PLCXD3: variants seen among roughly 807,000 people sequenced by gnomAD.
The protein encoded by PLCXD3 is PI-PLC X domain-containing protein 3.
Under a neutral mutation model 25.5 loss-of-function variants are expected in PLCXD3, and 19 were observed. The observed-to-expected ratio is 0.75, with a 90% CI of 0.52 to 1.09. PLCXD3 has a LOEUF of 1.09. Among genes scored for constraint, PLCXD3 ranks in the 50% least tolerant of loss-of-function variants. PLCXD3 has a pLI of 0.00. For missense variants in PLCXD3, 411 were observed against 388.1 expected (o/e 1.06, Z -0.50); for synonymous variants, 174 against 137.6 (o/e 1.26, Z -1.85).
chr5:41,399,060 G>A (rs1283924246), intron 1 of PLCXD3, among the ~76,000 whole-genome samples: 1 of 152,020 alleles, frequency 6.6e-6, no homozygotes, highest in African/African-American at 2.4e-5. Flanking sequence ...TGCCAACAGT[G>A]AACAATGGGA....
chr5:41,452,572 A>C (rs1442246850), intron 1 of PLCXD3, among the ~76,000 whole-genome samples: 1 of 152,012 alleles, frequency 6.6e-6, no homozygotes. Flanking sequence ...AATTCTGTCA[A>C]ATATGACCTC....
intron 2 of PLCXD3, among the ~76,000 whole-genome samples, chr5:41,370,405 C>A (rs1284174347): frequency 6.6e-6 from 1 of 152,116 alleles, no homozygotes; most frequent in Non-Finnish European, 1.5e-5. Context: ...TTTTTTATTG[C>A]TGTTGTTACA....
intron 2 of PLCXD3, among the ~76,000 whole-genome samples, chr5:41,363,409 G>A (rs1744845950): frequency 6.6e-6 from 1 of 152,028 alleles, no homozygotes; most frequent in South Asian, 2.1e-4. Context: ...CAAGAATTCA[G>A]GATATTTTCT....
Position 41,307,707 on chromosome 5 carries a change from C to G in PLCXD3, c.*5910G>C, listed in dbSNP as rs1383374361. On this transcript the variant is annotated 3_prime_UTR_variant, in exon 3 of 3. Transcript: ENST00000377801. ...AGCAGTGAAGACAGTTCCTATGTCA[C>G]CTTTCTACAATTCCGTAGATGACCA... 1 of 152,100 alleles carries G rather than the reference C, an allele frequency of 6.6e-6. No individual in the cohort carries two copies. Among genetic ancestry groups the G allele is most frequent in the Non-Finnish European group, 1.5e-5 (1 of 68,038 alleles). The allele number at this position is 152,100 out of a possible 1,614,324, so 9.4% of individuals were successfully genotyped here.
chr5:41,405,882 T>C (rs1746336868), intron 1 of PLCXD3, among the ~76,000 whole-genome samples: 2 of 152,242 alleles, frequency 1.3e-5, no homozygotes, highest in South Asian at 4.1e-4. Context: ...CCCACTGTAA[T>C]AAGGTTATCA....
intron 1 of PLCXD3, among the ~76,000 whole-genome samples, chr5:41,505,311 G>A (rs1356083312): frequency 6.6e-6 from 1 of 152,082 alleles, no homozygotes; most frequent in Non-Finnish European, 1.5e-5. Flanking sequence ...ATTATAAACT[G>A]TTATATATGC....
intron 1 of PLCXD3, among the ~76,000 whole-genome samples, chr5:41,390,919 A>T (rs1745795367): frequency 1.3e-5 from 2 of 152,180 alleles, no homozygotes. Context: ...GGAAGAACAC[A>T]GCAATTGTGA....
rs907364107 is a variant in PLCXD3 at position 41,446,594 on chromosome 5, A to G, written c.103+63830T>C. On this transcript the variant is annotated intron_variant, in intron 1 of 2. Coordinates refer to ENST00000377801, the MANE Select transcript of PLCXD3 (RefSeq NM_001005473.3). ...TCACATTGTCTTCAAAACAACTCTA[A>G]GAAATAAATCATGCCCATCTTTGGA... Among the ~76,000 whole-genome samples, 42 of 152,010 alleles carry G rather than the reference A, an allele frequency of 2.8e-4. 1 individual carries two copies. The highest frequency in any genetic ancestry group is 8.3e-4 in the South Asian group (4 of 4,812).
intron 2 of PLCXD3, among the ~76,000 whole-genome samples, chr5:41,329,299 A>T (rs953538982): frequency 2.6e-5 from 4 of 152,158 alleles, no homozygotes; most frequent in Non-Finnish European, 4.4e-5. Flanking sequence ...TTGTAATCGT[A>T]TTTATGCGTT....
chr5:41,448,909 C>G (rs1747565590), intron 1 of PLCXD3, among the ~76,000 whole-genome samples: 1 of 152,166 alleles, frequency 6.6e-6, no homozygotes, highest in Non-Finnish European at 1.5e-5. Flanking sequence ...TTTAACTTCT[C>G]TTCTCCCCTA....
intron 1 of PLCXD3, among the ~76,000 whole-genome samples, chr5:41,510,148 C>T (rs571359174): frequency 6.6e-6 from 1 of 152,304 alleles, no homozygotes; most frequent in South Asian, 2.1e-4. Context: ...TGGAGCCCAG[C>T]TTCTCCTCTG....
intron 2 of PLCXD3, among the ~76,000 whole-genome samples, chr5:41,364,605 C>A (rs1274700408): frequency 6.6e-6 from 1 of 152,148 alleles, no homozygotes; most frequent in Non-Finnish European, 1.5e-5. Flanking sequence ...ATTATTAGAT[C>A]TCAGAGACAG....
At chr5:41,351,493 G>C (rs1037161198) in intron 2 of PLCXD3, among the ~76,000 whole-genome samples, 1 of 152,084 alleles carries the variant, frequency 6.6e-6, no homozygotes, top group Non-Finnish European at 1.5e-5. Flanking sequence ...GCAGAACAAG[G>C]GCAGTTCAAA....
chr5:41,476,782 G>A (rs1449832847), intron 1 of PLCXD3, among the ~76,000 whole-genome samples: 1 of 152,174 alleles, frequency 6.6e-6, no homozygotes, highest in African/African-American at 2.4e-5. Flanking sequence ...AACACAAAGA[G>A]CAATTACTTT....
intron 1 of PLCXD3, among the ~76,000 whole-genome samples, chr5:41,414,078 A>T (rs1299787253): frequency 6.6e-6 from 1 of 152,290 alleles, no homozygotes; most frequent in South Asian, 2.1e-4. Flanking sequence ...CAGTATTCAC[A>T]TAAAGCTAAG....
At chr5:41,493,807 G>T (rs1295174393) in intron 1 of PLCXD3, among the ~76,000 whole-genome samples, 3 of 152,210 alleles carry the variant, frequency 2.0e-5, no homozygotes, top group Non-Finnish European at 4.4e-5. Context: ...GTATTGGGGT[G>T]GGAGTGACCC....
At chr5:41,331,039 A>G (rs1197349132) in intron 2 of PLCXD3, among the ~76,000 whole-genome samples, 1 of 151,834 alleles carries the variant, frequency 6.6e-6, no homozygotes, top group Admixed American at 6.6e-5. Flanking sequence ...CTGGCACAAG[A>G]CAGGGATGCC....
rs764656761 is a variant in PLCXD3, at chr5:41,510,571, C to T, written c.-45G>A. 2 of 1,461,558 alleles carry T rather than the reference C, an allele frequency of 1.4e-6. No homozygotes were observed. The highest frequency in any genetic ancestry group is 1.9e-6 in the Non-Finnish European group (2 of 1,052,234). 90.5% of individuals were successfully genotyped at this position (1,461,558 alleles called of 1,614,324 possible). ...CGCGCTGGTCCCAGCACTCCTCGGGCAGGCTGGCAGGCTGCTGCCGCTAAT... is the reference window on the plus strand; with the variant it reads ...CGCGCTGGTCCCAGCACTCCTCGGGTAGGCTGGCAGGCTGCTGCCGCTAAT... On this transcript the variant is annotated 5_prime_UTR_variant, in exon 1 of 3. Transcript: ENST00000377801.
At chr5:41,387,910 G>T (rs1414250307) in intron 1 of PLCXD3, among the ~76,000 whole-genome samples, 3 of 152,130 alleles carry the variant, frequency 2.0e-5, no homozygotes, top group African/African-American at 7.2e-5. Context: ...TGTGTAGCAT[G>T]GGGTAGAGAG....
Sources: gnomAD v4.1 joint callset for allele counts (sites outside exome capture counted in the v4.1 genomes callset) on GRCh38, gnomAD v4.1.1 for gene constraint, MANE v1.5 for transcripts, NCBI Gene and HGNC (gene_info 2026-07-23, HGNC 2026-07-21) for gene names.